RPS6KA6: variants seen among roughly 807,000 people sequenced by gnomAD.
RPS6KA6 encodes the protein ribosomal protein S6 kinase alpha-6.
RPS6KA6 carries 27 observed loss-of-function variants against 65.4 expected under a neutral mutation model. The observed-to-expected ratio is 0.41, with a 90% CI of 0.30 to 0.57. The LOEUF (loss-of-function observed/expected upper bound fraction) is 0.57, where lower values mean the gene tolerates loss of function less well. Among genes scored for constraint, RPS6KA6 ranks in the 20% least tolerant of loss-of-function variants. RPS6KA6 has a pLI of 0.24. For missense variants in RPS6KA6, 486 were observed against 555.6 expected (o/e 0.87, Z 1.26); for synonymous variants, 190 against 184.2 (o/e 1.03, Z -0.26).
intron 20 of RPS6KA6, among the ~76,000 whole-genome samples, chrX:84,075,225 C>T: frequency 9.2e-6 from 1 of 108,895 alleles, no homozygotes. Context: ...GAGCGAGACT[C>T]CGTCGCAAAA....
intron 2 of RPS6KA6, 106 bp from the exon 3 acceptor site, chrX:84,156,297 A>G (rs2035415190): frequency 2.2e-6 from 1 of 457,622 alleles, no homozygotes; most frequent in Non-Finnish European, 3.9e-6. Flanking sequence ...CCCTCAATGT[A>G]GCAGAGAGTT....
rs1324766087 is a variant in RPS6KA6 at position 84,110,276 on chromosome X, G to A, written c.1009-2551C>T. On this transcript the variant is annotated intron_variant, in intron 12 of 21. Transcript: ENST00000262752. Reference sequence around the variant, plus strand: ...GAAGCTAGTCTTCCTACTCTCTGCTGAGACCTTGGCACTGCTCACCAGGTA... The same window carrying A: ...GAAGCTAGTCTTCCTACTCTCTGCTAAGACCTTGGCACTGCTCACCAGGTA... 2.7e-5 allele frequency among the ~76,000 whole-genome samples: 3 copies of A among 111,921 alleles called. No homozygotes were observed. In the Admixed American group the frequency reaches 2.8e-4, roughly 11 times the overall value.
At chrX:84,145,628 AAT>A in intron 5 of RPS6KA6, 71 bp from the exon 6 acceptor site, 1 of 552,450 alleles carries the variant, frequency 1.8e-6, no homozygotes, top group Non-Finnish European at 2.8e-6. Context: ...CTTTTAAATT[AAT>A]ATATGTTTAG....
chrX:84,112,086 G>A (rs965865105), intron 12 of RPS6KA6, among the ~76,000 whole-genome samples: 1 of 111,788 alleles, frequency 8.9e-6, no homozygotes, highest in Non-Finnish European at 1.9e-5. Context: ...AAAAGGCAAA[G>A]AAAGGCATTA....
chrX:84,185,131 G>T (rs1261173910), intron 1 of RPS6KA6, among the ~76,000 whole-genome samples: 2 of 111,577 alleles, frequency 1.8e-5, no homozygotes, highest in Admixed American at 9.5e-5. Context: ...GATCCTGACA[G>T]AATCCAGTCA....
intron 12 of RPS6KA6, among the ~76,000 whole-genome samples, chrX:84,111,325 T>C (rs2034466384): frequency 9.0e-6 from 1 of 111,083 alleles, no homozygotes; most frequent in Admixed American, 9.6e-5. Flanking sequence ...TATCCAGATA[T>C]AAGCAATTCA....
At chrX:84,183,234 A>C (rs1042626247) in intron 1 of RPS6KA6, among the ~76,000 whole-genome samples, 5 of 111,551 alleles carry the variant, frequency 4.5e-5, no homozygotes, top group African/African-American at 1.6e-4. Flanking sequence ...GGACGCTTCT[A>C]ATCTCAATTG....
chrX:84,116,246 C>A lies in RPS6KA6; in HGVS notation c.991G>T (p.Ala331Ser), dbSNP rs1315427120. ...TAACTTACATCCCAGTCAATATTTG[C>A]AAAAAACAGATGTCTTTTGATTTCT... is the stretch of plus-strand genomic sequence containing the variant. ...VEEIKRHLFF[A>S]NIDWDKLYKR... Residue 331 changes from alanine (A) to serine (S), a missense_variant, in exon 12 of 22, where the codon GCA becomes TCA. By Grantham distance (99) the Ala-to-Ser change is moderately conservative (BLOSUM62 1). Transcript: ENST00000262752. The A allele has an allele frequency of 3.5e-6, 4 of 1,141,324 alleles. No homozygotes were observed. The highest frequency in any genetic ancestry group is 3.6e-6 in the Non-Finnish European group (3 of 841,123). The allele number at this position is 1,141,324 out of a possible 1,213,427, so 94.1% of individuals were successfully genotyped here.
intron 13 of RPS6KA6, among the ~76,000 whole-genome samples, chrX:84,107,322 T>G (rs1459753034): frequency 1.8e-5 from 2 of 111,679 alleles, no homozygotes; most frequent in African/African-American, 6.5e-5. Context: ...CAGAGTAATA[T>G]ATCTCACGTC....
At chrX:84,107,550 C>T (rs868585271) in intron 13 of RPS6KA6, 73 bp downstream of exon 13, 2 of 631,324 alleles carry the variant, frequency 3.2e-6, no homozygotes, top group Middle Eastern at 9.1e-4. Context: ...TTAGTTTTTA[C>T]TTCACAAGAA....
chrX:84,134,594 T>A (rs1165335774), intron 8 of RPS6KA6, among the ~76,000 whole-genome samples, 188 bp downstream of exon 8: 1 of 111,370 alleles, frequency 9.0e-6, no homozygotes, highest in East Asian at 2.8e-4. Flanking sequence ...AATGTACAAT[T>A]TTTTAATATT....
chrX:84,060,761 A>G lies in RPS6KA6; in HGVS notation c.*3516T>C, dbSNP rs917247897. ...GGGACACACTGTTCCTTTCCCCCAA[A>G]ATATTTTCCGTGATAGGAACTGAAT... On this transcript the variant is annotated 3_prime_UTR_variant, in exon 22 of 22. Transcript: ENST00000262752. The G allele has an allele frequency of 9.0e-6, 1 of 111,677 alleles. No homozygotes were observed. The highest frequency in any genetic ancestry group is 3.3e-5 in the African/African-American group (1 of 30,732). The allele number at this position is 111,677 out of a possible 1,213,427, so 9.2% of individuals were successfully genotyped here.
chrX:84,145,005 A>AGGAGGACG (rs1380602138), intron 6 of RPS6KA6, among the ~76,000 whole-genome samples: 2 of 111,345 alleles, frequency 1.8e-5, no homozygotes, highest in Non-Finnish European at 3.8e-5. Context: ...GGGTTAGGGC[A>AGGAGGACG]GGAGGACGGC....
intron 12 of RPS6KA6, among the ~76,000 whole-genome samples, chrX:84,108,872 C>A (rs913208787): frequency 1.8e-5 from 2 of 112,000 alleles, no homozygotes; most frequent in African/African-American, 6.5e-5. Flanking sequence ...ATGCACGCTG[C>A]AAAGACTGCC....
At chrX:84,089,522 T>C (rs753803119) in intron 20 of RPS6KA6, among the ~76,000 whole-genome samples, 2 of 111,521 alleles carry the variant, frequency 1.8e-5, no homozygotes, top group African/African-American at 3.3e-5. Context: ...CTTGGGTCTC[T>C]GTATGTGCCT....
intron 6 of RPS6KA6, among the ~76,000 whole-genome samples, chrX:84,138,801 TTG>T (rs3077407): frequency 0.021 from 2,077 of 99,191 alleles, 55 homozygotes; most frequent in African/African-American, 0.069. Context: ...ACCTGTGTAT[TTG>T]TGTGTGTGTG....
At chrX:84,145,636 T>C (rs751513946) in intron 5 of RPS6KA6, 79 bp from the exon 6 acceptor site, 1 of 512,924 alleles carries the variant, frequency 1.9e-6, no homozygotes, top group Non-Finnish European at 3.1e-6. Flanking sequence ...TTAATATATG[T>C]TTAGAATTTT....
chrX:84,152,490 A>G (rs2035344283), intron 3 of RPS6KA6, among the ~76,000 whole-genome samples: 1 of 107,069 alleles, frequency 9.3e-6, no homozygotes. Context: ...AAATAAGGTG[A>G]CAATGTACTT....
At chrX:84,170,672 C>T (rs1173577453) in intron 1 of RPS6KA6, among the ~76,000 whole-genome samples, 1 of 110,533 alleles carries the variant, frequency 9.0e-6, no homozygotes, top group African/African-American at 3.3e-5. Flanking sequence ...AAAATCTATG[C>T]CTATATATTA....
Sources: gnomAD v4.1 joint callset for allele counts (sites outside exome capture counted in the v4.1 genomes callset) on GRCh38, gnomAD v4.1.1 for gene constraint, MANE v1.5 for transcripts, NCBI Gene and HGNC (gene_info 2026-07-23, HGNC 2026-07-21) for gene names.